Variants in SH3PXD2A observed in about 807,000 individuals in gnomAD.
The protein encoded by SH3PXD2A is SH3 and PX domain-containing protein 2A.
Under a neutral mutation model 115.2 loss-of-function variants are expected in SH3PXD2A, and 32 were observed. The observed-to-expected ratio is 0.28, with a 90% CI of 0.21 to 0.37. The LOEUF (loss-of-function observed/expected upper bound fraction) is 0.37, where lower values mean the gene tolerates loss of function less well. SH3PXD2A is among the 10% of genes least tolerant of loss of function. SH3PXD2A has a pLI of 1.00. For synonymous variants in SH3PXD2A, 610 were observed against 629.1 expected (o/e 0.97, Z 0.45); for missense variants, 1,328 against 1,498.7 (o/e 0.89, Z 1.88).
At chr10:103,610,847 A>G (rs2036416063) in intron 13 of SH3PXD2A, among the ~76,000 whole-genome samples, 1 of 152,210 alleles carries the variant, frequency 6.6e-6, no homozygotes, top group Admixed American at 6.5e-5. Flanking sequence ...TGGCTTACCT[A>G]CAGTCTCTCC....
At chr10:103,739,451 G>A (rs2038419009) in intron 3 of SH3PXD2A, among the ~76,000 whole-genome samples, 1 of 149,326 alleles carries the variant, frequency 6.7e-6, no homozygotes, top group Admixed American at 6.7e-5. Flanking sequence ...TGGCCAGTGG[G>A]GGAGAGAGGG....
intron 3 of SH3PXD2A, among the ~76,000 whole-genome samples, chr10:103,738,072 A>C (rs2038399942): frequency 6.6e-6 from 1 of 151,562 alleles, no homozygotes; most frequent in Non-Finnish European, 1.5e-5. Context: ...CCTCTCCTGG[A>C]CTCTTGCTCA....
chr10:103,686,833 C>G (rs750156147), intron 6 of SH3PXD2A, among the ~76,000 whole-genome samples: 140 of 151,382 alleles, frequency 9.2e-4, no homozygotes, highest in Admixed American at 1.4e-3. Context: ...CTGCAACCTC[C>G]ACCTCCTGGG....
chr10:103,778,188 C>A (rs543245610), intron 2 of SH3PXD2A, among the ~76,000 whole-genome samples: 1 of 152,222 alleles, frequency 6.6e-6, no homozygotes, highest in South Asian at 2.1e-4. Flanking sequence ...AAAAAATTAG[C>A]TGGGCACGGT....
Position 103,724,258 on chromosome 10 carries a change from G to A in SH3PXD2A, c.398+12C>T, listed in dbSNP as rs2038214876. On this transcript the variant is annotated intron_variant, in intron 5 of 14. Coordinates refer to ENST00000369774, the MANE Select transcript of SH3PXD2A (RefSeq NM_001394015.1). Reference sequence around the variant, plus strand: ...TCCCCAGCACACAGGAGAGGCCTGAGCTATTACTTACTCTTTTGGAGGGTT... The same window carrying A: ...TCCCCAGCACACAGGAGAGGCCTGAACTATTACTTACTCTTTTGGAGGGTT... The A allele has an allele frequency of 1.3e-6, 2 of 1,510,604 alleles. No homozygotes were observed. Among genetic ancestry groups the A allele is most frequent in the Non-Finnish European group, 1.8e-6 (2 of 1,112,852 alleles). 93.6% of individuals were successfully genotyped at this position (1,510,604 alleles called of 1,614,324 possible). A position where few individuals can be genotyped will look rare whatever the true frequency, so the allele number is the denominator to read the frequency against.
chr10:103,606,641 C>T (rs1416853026), intron 13 of SH3PXD2A, among the ~76,000 whole-genome samples: 17 of 151,936 alleles, frequency 1.1e-4, no homozygotes, highest in Admixed American at 8.5e-4. Flanking sequence ...ATTGCAGGCG[C>T]GCGCCGCCAT....
At chr10:103,757,978 A>C (rs2038661242) in intron 3 of SH3PXD2A, among the ~76,000 whole-genome samples, 1 of 152,250 alleles carries the variant, frequency 6.6e-6, no homozygotes, top group Non-Finnish European at 1.5e-5. Flanking sequence ...CCACGAGCAC[A>C]GACAGGCTTG....
intron 2 of SH3PXD2A, among the ~76,000 whole-genome samples, chr10:103,772,252 T>C (rs1171770785): frequency 6.6e-6 from 1 of 152,122 alleles, no homozygotes; most frequent in African/African-American, 2.4e-5. Flanking sequence ...CAAAGCGGGC[T>C]CTAACCTGGT....
chr10:103,718,560 T>C (rs2038136173), intron 5 of SH3PXD2A, among the ~76,000 whole-genome samples: 1 of 152,230 alleles, frequency 6.6e-6, no homozygotes, highest in South Asian at 2.1e-4. Context: ...CTTGGCTGCA[T>C]GGCCTGGGGA....
At position 103,634,212 on chromosome 10, in the gene SH3PXD2A, A is replaced by C. The variant is rs191757332; in HGVS notation, c.605-7010T>G. 2.2e-4 allele frequency among the ~76,000 whole-genome samples: 34 copies of C among 152,290 alleles called. No individual in the cohort carries two copies. In the East Asian group the frequency reaches 6.6e-3, roughly 29 times the overall value. Reference sequence around the variant, plus strand: ...ACATGGAAGGCTTCCCCAAGAATGAAGAAGAGGAGAGGATGCCTCCAGTGG... The same window carrying C: ...ACATGGAAGGCTTCCCCAAGAATGACGAAGAGGAGAGGATGCCTCCAGTGG... On this transcript the variant is annotated intron_variant, in intron 8 of 14. Transcript: ENST00000369774.
rs916484008 is a variant in SH3PXD2A at position 103,666,243 on chromosome 10, C to G, written c.472+2365G>C. Among the ~76,000 whole-genome samples, 1 of 152,224 alleles carries G rather than the reference C, an allele frequency of 6.6e-6. No individual in the cohort carries two copies. The highest frequency in any genetic ancestry group is 1.5e-5 in the Non-Finnish European group (1 of 68,042). On this transcript the variant is annotated intron_variant, in intron 7 of 14. Transcript: ENST00000369774. This position sits in a 1 kb window ranked among gnomAD's most constrained non-coding sequence, Gnocchi z 4.5. The stretch of plus-strand genomic sequence containing the variant: ...ATCATTCATGATTCAACACATGTAT[C>G]GAGCACCCACTAGGCGCCAACACCC...
In SH3PXD2A at chr10:103,724,294, G is replaced by A. The variant is rs773914702; in HGVS notation, c.374C>T (p.Pro125Leu). ...DEVFRFFEAR[P>L]EDVNPPKEDY... is the part of the protein sequence containing the mutation. Reference sequence around the variant, plus strand: ...CTCTTTTGGAGGGTTGACATCCTCGGGTCGAGCCTCGAAGAACCGGAAGAC... The same window carrying A: ...CTCTTTTGGAGGGTTGACATCCTCGAGTCGAGCCTCGAAGAACCGGAAGAC... Residue 125 changes from proline to leucine, a missense_variant, in exon 5 of 15, where the codon CCC becomes CTC. By Grantham distance (98) the Pro-to-Leu change is moderately conservative (BLOSUM62 -3). This residue lies in a region of SH3PXD2A where 90 missense variants were observed against 71.1 expected (regional missense o/e 1.27). Coordinates refer to ENST00000369774, the MANE Select transcript of SH3PXD2A (RefSeq NM_001394015.1). 1.9e-6 allele frequency: 3 copies of A among 1,578,344 alleles called. No individual in the cohort carries two copies. The highest frequency in any genetic ancestry group is 2.6e-6 in the Non-Finnish European group (3 of 1,164,796).
intron 6 of SH3PXD2A, among the ~76,000 whole-genome samples, chr10:103,688,236 C>A (rs1251601704): frequency 1.3e-5 from 2 of 152,328 alleles, no homozygotes; most frequent in East Asian, 3.9e-4. Flanking sequence ...TCTTTCCAGG[C>A]AATGATCCCC....
At chr10:103,681,842 AGGTG>A (rs1180801810) in intron 6 of SH3PXD2A, among the ~76,000 whole-genome samples, 1 of 152,094 alleles carries the variant, frequency 6.6e-6, no homozygotes, top group Non-Finnish European at 1.5e-5. Flanking sequence ...TGGGAGGCCG[AGGTG>A]GGTGGACTGC....
At chr10:103,669,236 T>C (rs1286083372) in intron 6 of SH3PXD2A, among the ~76,000 whole-genome samples, 1 of 152,176 alleles carries the variant, frequency 6.6e-6, no homozygotes, top group East Asian at 1.9e-4. Context: ...AGCATCGTTT[T>C]AGGGAGTCTT....
intron 3 of SH3PXD2A, among the ~76,000 whole-genome samples, chr10:103,758,858 C>G (rs2038669841): frequency 6.6e-6 from 1 of 152,182 alleles, no homozygotes. Context: ...ATTTTTCCTT[C>G]TCCATCACAT....
intron 8 of SH3PXD2A, among the ~76,000 whole-genome samples, chr10:103,644,173 G>C (rs2036999336): frequency 6.7e-6 from 1 of 148,986 alleles, no homozygotes; most frequent in Non-Finnish European, 1.5e-5. Context: ...ATCCAAGCCT[G>C]GCCACAAGCA....
At chr10:103,783,826 A>G (rs2038955435) in intron 2 of SH3PXD2A, among the ~76,000 whole-genome samples, 1 of 152,248 alleles carries the variant, frequency 6.6e-6, no homozygotes, top group African/African-American at 2.4e-5. Context: ...AGAGCTAAAA[A>G]TAAACCTCGG....
In SH3PXD2A at chr10:103,620,623, C is replaced by T; in HGVS notation, c.802+1847G>A. 6.6e-6 allele frequency among the ~76,000 whole-genome samples: 1 copy of T among 152,228 alleles called. No homozygotes were observed. The highest frequency in any genetic ancestry group is 1.9e-4 in the East Asian group (1 of 5,196). ...CTCTGCTGTTTGCAGCAAGCGTCTC[C>T]AAGCCAACTCTCTGCAAGTTTTTCT... is the stretch of plus-strand genomic sequence containing the variant. On this transcript the variant is annotated intron_variant, in intron 10 of 14. Coordinates refer to ENST00000369774, the MANE Select transcript of SH3PXD2A (RefSeq NM_001394015.1). The surrounding 1 kb of genome is among the most constrained non-coding windows in gnomAD (Gnocchi z 5.3).
Sources: allele counts gnomAD v4.1 joint callset (sites outside exome capture counted in the v4.1 genomes callset), GRCh38; gene constraint gnomAD v4.1.1; regional missense constraint gnomAD v4.1.1; non-coding constraint Gnocchi (gnomAD v3.1); transcripts MANE v1.5; gene names NCBI Gene and HGNC (gene_info 2026-07-23, HGNC 2026-07-21).